Variants in NFIA observed in about 807,000 individuals in gnomAD.
NFIA encodes the protein nuclear factor I A.
NFIA carries 8 observed loss-of-function variants against 62.8 expected under a neutral mutation model. The ratio of observed to expected loss-of-function variants is 0.13; its 90% CI spans 0.07 to 0.23. The LOEUF is 0.23. Ranked by LOEUF, NFIA falls within the 10% of genes least tolerant of loss-of-function variation. NFIA has a pLI of 1.00. For synonymous variants in NFIA, 235 were observed against 238.1 expected (o/e 0.99, Z 0.12); for missense variants, 410 against 642.1 (o/e 0.64, Z 3.91).
intron 2 of NFIA, among the ~76,000 whole-genome samples, chr1:61,117,743 A>G (rs1388705316): frequency 6.6e-6 from 1 of 152,170 alleles, no homozygotes; most frequent in Non-Finnish European, 1.5e-5. Context: ...TCTCAAATGT[A>G]TTTATTGAGC....
chr1:61,215,704 C>G (rs1170379644), intron 2 of NFIA, among the ~76,000 whole-genome samples: 1 of 152,122 alleles, frequency 6.6e-6, no homozygotes, highest in Non-Finnish European at 1.5e-5. Flanking sequence ...TTATAAATGA[C>G]CTCTGTTTTA....
chr1:61,115,779 C>T (rs1646784013), intron 2 of NFIA, among the ~76,000 whole-genome samples: 1 of 152,184 alleles, frequency 6.6e-6, no homozygotes. Flanking sequence ...GCCCTTGCCC[C>T]AGAGAGGGAG....
At chr1:61,338,636 G>A (rs999437205) in intron 4 of NFIA, among the ~76,000 whole-genome samples, 6 of 152,152 alleles carry the variant, frequency 3.9e-5, no homozygotes, top group African/African-American at 1.4e-4. Flanking sequence ...AATGAACTCG[G>A]CTACAAGGCA....
At chr1:61,203,864 T>C (rs950421595) in intron 2 of NFIA, among the ~76,000 whole-genome samples, 13 of 152,208 alleles carry the variant, frequency 8.5e-5, no homozygotes, top group Non-Finnish European at 1.8e-4. Flanking sequence ...TAAAGATACA[T>C]TGAGGGAACT....
intron 3 of NFIA, among the ~76,000 whole-genome samples, chr1:61,284,132 A>G (rs1462956169): frequency 6.6e-6 from 1 of 152,202 alleles, no homozygotes; most frequent in Non-Finnish European, 1.5e-5. Context: ...AGTGACCACC[A>G]AAATAGCAGC....
At chr1:61,146,025 A>G (rs1336567057) in intron 2 of NFIA, among the ~76,000 whole-genome samples, 1 of 152,218 alleles carries the variant, frequency 6.6e-6, no homozygotes, top group African/African-American at 2.4e-5. Flanking sequence ...TCTCAAATCC[A>G]GTGTTACTGG....
At chr1:61,400,755 A>G (rs1394661442) in intron 7 of NFIA, among the ~76,000 whole-genome samples, 1 of 152,184 alleles carries the variant, frequency 6.6e-6, no homozygotes, top group African/African-American at 2.4e-5. Flanking sequence ...GTTTTTTTCT[A>G]TAAAGCCTGA....
chr1:61,403,924 G>A (rs141960035), intron 7 of NFIA, among the ~76,000 whole-genome samples, 180 bp from the exon 8 acceptor site: 2 of 152,182 alleles, frequency 1.3e-5, no homozygotes, highest in South Asian at 2.1e-4. Flanking sequence ...TCTAACCTCC[G>A]TGTTTGTCTT....
intron 10 of NFIA, among the ~76,000 whole-genome samples, chr1:61,452,262 T>TTAG (rs1668091733): frequency 1.3e-5 from 2 of 150,902 alleles, no homozygotes; most frequent in Non-Finnish European, 3.0e-5. Flanking sequence ...TGAATTATTA[T>TTAG]TATTATTATT....
chr1:61,383,809 T>C (rs1354428743), intron 7 of NFIA, among the ~76,000 whole-genome samples: 3 of 152,238 alleles, frequency 2.0e-5, no homozygotes, highest in African/African-American at 4.8e-5. Flanking sequence ...CTGCTGACTC[T>C]CTTTCCATAA....
intron 4 of NFIA, among the ~76,000 whole-genome samples, chr1:61,348,296 T>C (rs1035448965): frequency 2.0e-5 from 3 of 152,228 alleles, no homozygotes; most frequent in Non-Finnish European, 4.4e-5. Context: ...TTTATAAGAC[T>C]CTTGAAGAAG....
intron 2 of NFIA, among the ~76,000 whole-genome samples, chr1:61,134,730 T>C (rs1203029633): frequency 6.6e-6 from 1 of 152,162 alleles, no homozygotes; most frequent in Non-Finnish European, 1.5e-5. Context: ...TTACTGATGC[T>C]TGTAATCCCA....
chr1:61,422,579 A>G (rs1167309496), intron 9 of NFIA, among the ~76,000 whole-genome samples: 1 of 152,078 alleles, frequency 6.6e-6, no homozygotes, highest in Non-Finnish European at 1.5e-5. Context: ...TCAGTAAGCC[A>G]CATTCATTTC....
At chr1:61,256,065 T>C (rs1233853486) in intron 2 of NFIA, among the ~76,000 whole-genome samples, 1 of 152,138 alleles carries the variant, frequency 6.6e-6, no homozygotes, top group East Asian at 1.9e-4. Context: ...AAGAATTGCC[T>C]TGGGTCACAC....
chr1:61,383,397 C>T (rs1490464430), intron 7 of NFIA, 32 bp downstream of exon 7: 23 of 1,612,510 alleles, frequency 1.4e-5, no homozygotes, highest in Non-Finnish European at 2.0e-5. Flanking sequence ...CTTGGTTGTG[C>T]TTATATCATG....
At chr1:61,275,497 A>G (rs1374957791) in intron 2 of NFIA, among the ~76,000 whole-genome samples, 3 of 152,138 alleles carry the variant, frequency 2.0e-5, no homozygotes, top group Non-Finnish European at 2.9e-5. Context: ...AGATAAAACT[A>G]TTTTCCATTT....
chr1:61,433,552 A>T (rs1398519572), intron 10 of NFIA, among the ~76,000 whole-genome samples: 2 of 150,732 alleles, frequency 1.3e-5, no homozygotes, highest in African/African-American at 2.4e-5. Flanking sequence ...ATATATACTC[A>T]CACACACACA....
chr1:61,413,544 T>C (rs955664672), intron 9 of NFIA, among the ~76,000 whole-genome samples: 3 of 151,626 alleles, frequency 2.0e-5, no homozygotes, highest in Admixed American at 6.6e-5. Context: ...ACAATGTCAC[T>C]AGATTTCTGA....
intron 2 of NFIA, among the ~76,000 whole-genome samples, chr1:61,270,116 G>T (rs1570485468): frequency 6.6e-6 from 1 of 152,178 alleles, no homozygotes; most frequent in African/African-American, 2.4e-5. Flanking sequence ...TGTCGGTTGG[G>T]GTTGATTTTC....
Sources: allele counts gnomAD v4.1 joint callset (sites outside exome capture counted in the v4.1 genomes callset), GRCh38; gene constraint gnomAD v4.1.1; transcripts MANE v1.5; gene names NCBI Gene and HGNC (gene_info 2026-07-23, HGNC 2026-07-21).